PROS1: variants seen among roughly 807,000 people sequenced by gnomAD.
PROS1 encodes the protein vitamin K-dependent protein S.
Under a neutral mutation model 75.9 loss-of-function variants are expected in PROS1, and 29 were observed. The observed-to-expected ratio is 0.38, with a 90% CI of 0.28 to 0.52. The LOEUF (loss-of-function observed/expected upper bound fraction) is 0.52, where lower values mean the gene tolerates loss of function less well. PROS1 is among the 20% of genes least tolerant of loss of function. PROS1 has a pLI of 0.83. For missense variants in PROS1, 680 were observed against 810.3 expected, an observed-to-expected ratio of 0.84 and a Z score of 1.95; for synonymous variants, 245 against 280.6, an observed-to-expected ratio of 0.87 and a Z score of 1.27.
At chr3:93,931,005 G>T (rs1445511246) in intron 1 of PROS1, among the ~76,000 whole-genome samples, 2 of 152,096 alleles carry the variant, frequency 1.3e-5, no homozygotes, top group Admixed American at 1.3e-4. Flanking sequence ...AAAAAATTTT[G>T]TCTAAATATA....
rs1211117206 is a variant in PROS1, at chr3:93,898,563, T to A, written c.734A>T (p.Asp245Val). Residue 245 changes from aspartate (D) to valine (V), a missense_variant, in exon 8 of 15, where the codon GAT becomes GTT. Asp to Val is a radical substitution (Grantham distance 152, BLOSUM62 -3). Coordinates refer to ENST00000394236, the MANE Select transcript of PROS1 (RefSeq NM_000313.4). ...NLKSKSCEDI[D>V]ECSENMCAQL... The stretch of plus-strand genomic sequence containing the variant: ...AGCACACATGTTCTCAGAGCATTCA[T>A]CTATATCTGAGGTAAAAAAAACACA... 1 of 1,612,156 alleles carries A rather than the reference T, an allele frequency of 6.2e-7. No individual in the cohort carries two copies.
Position 93,940,463 on chromosome 3 carries a change from C to T in PROS1, c.77-13056G>A, listed in dbSNP as rs140447807. On this transcript the variant is annotated intron_variant, in intron 1 of 14. Coordinates refer to ENST00000394236, the MANE Select transcript of PROS1 (RefSeq NM_000313.4). Reference sequence around the variant, plus strand: ...CCTCCATAACTGTTGTGGGTACTGACGTCTGGGCTTCTAAATCTCTTAAAA... The same window carrying T: ...CCTCCATAACTGTTGTGGGTACTGATGTCTGGGCTTCTAAATCTCTTAAAA... Among the ~76,000 whole-genome samples the T allele has an allele frequency of 1.1e-3, 167 of 152,234 alleles. 1 individual carries two copies. The highest frequency in any genetic ancestry group is 3.7e-3 in the African/African-American group (155 of 41,538).
intron 6 of PROS1, among the ~76,000 whole-genome samples, chr3:93,903,445 C>T (rs1708627491): frequency 6.6e-6 from 1 of 152,122 alleles, no homozygotes; most frequent in African/African-American, 2.4e-5. Context: ...GGATGGATCA[C>T]TTCAACCCAA....
chr3:93,927,933 A>G (rs1173139628), intron 1 of PROS1, among the ~76,000 whole-genome samples: 1 of 138,864 alleles, frequency 7.2e-6, no homozygotes, highest in Non-Finnish European at 1.5e-5. Context: ...ATGTGTATAT[A>G]TATATGTATA....
At chr3:93,966,701 AC>A (rs1225190839) in intron 1 of PROS1, among the ~76,000 whole-genome samples, 1 of 151,824 alleles carries the variant, frequency 6.6e-6, no homozygotes, top group Non-Finnish European at 1.5e-5. Context: ...ACATGGTGGA[AC>A]CCCATCTCTA....
intron 1 of PROS1, among the ~76,000 whole-genome samples, chr3:93,953,940 G>C (rs1258076280): frequency 6.6e-6 from 1 of 151,660 alleles, no homozygotes; most frequent in Non-Finnish European, 1.5e-5. Flanking sequence ...ATAACAGACA[G>C]AGAGCCAAAT....
chr3:93,948,173 C>T (rs1045587326), intron 1 of PROS1, among the ~76,000 whole-genome samples: 1 of 151,440 alleles, frequency 6.6e-6, no homozygotes, highest in Non-Finnish European at 1.5e-5. Context: ...AAGAAATAAA[C>T]AAGAATGACC....
At chr3:93,948,463 T>C (rs1709440608) in intron 1 of PROS1, among the ~76,000 whole-genome samples, 1 of 152,178 alleles carries the variant, frequency 6.6e-6, no homozygotes, top group Non-Finnish European at 1.5e-5. Context: ...TGGATATCCT[T>C]GTTAACTTTC....
At chr3:93,943,743 C>T (rs1417505229) in intron 1 of PROS1, among the ~76,000 whole-genome samples, 2 of 152,178 alleles carry the variant, frequency 1.3e-5, no homozygotes, top group East Asian at 3.9e-4. Context: ...CATATAGAAT[C>T]AGATGGCCTG....
intron 1 of PROS1, among the ~76,000 whole-genome samples, chr3:93,936,087 T>C (rs1407458241): frequency 1.4e-5 from 2 of 146,242 alleles, no homozygotes; most frequent in Admixed American, 6.8e-5. Flanking sequence ...TGTCCCCATC[T>C]CCCCCCCACA....
intron 1 of PROS1, chr3:93,973,430 T>C: frequency 2.0e-6 from 1 of 498,944 alleles, no homozygotes; most frequent in South Asian, 2.8e-5. Flanking sequence ...ATACTTAGTG[T>C]CATCTAGGTT....
At chr3:93,891,058 T>C (rs1708424448) in intron 10 of PROS1, among the ~76,000 whole-genome samples, 1 of 152,048 alleles carries the variant, frequency 6.6e-6, no homozygotes, top group Admixed American at 6.5e-5. Context: ...TGAGCAGAGA[T>C]CACTGCACTC....
intron 14 of PROS1, among the ~76,000 whole-genome samples, chr3:93,875,383 A>G (rs1367281207): frequency 1.3e-5 from 2 of 151,832 alleles, no homozygotes; most frequent in African/African-American, 4.8e-5. Context: ...GCTCCTCTCA[A>G]ATCTTCCCCA....
intron 1 of PROS1, among the ~76,000 whole-genome samples, chr3:93,942,426 C>G (rs1709303758): frequency 6.6e-6 from 1 of 152,160 alleles, no homozygotes; most frequent in South Asian, 2.1e-4. Flanking sequence ...GCTTTACTTC[C>G]AAAGGAAGCT....
chr3:93,874,922 A>T (rs2107120753), intron 14 of PROS1, among the ~76,000 whole-genome samples: 1 of 152,214 alleles, frequency 6.6e-6, no homozygotes, highest in South Asian at 2.1e-4. Context: ...ATGATACAGG[A>T]TTCACTTTCA....
intron 1 of PROS1, among the ~76,000 whole-genome samples, chr3:93,959,345 AAAT>A (rs1559952211): frequency 2.6e-5 from 4 of 152,156 alleles, no homozygotes; most frequent in Admixed American, 2.6e-4. Flanking sequence ...AGGAATTTAA[AAAT>A]AATAAAAGAA....
intron 7 of PROS1, among the ~76,000 whole-genome samples, chr3:93,900,386 C>T (rs1274660016): frequency 6.6e-6 from 1 of 152,096 alleles, no homozygotes; most frequent in Non-Finnish European, 1.5e-5. Context: ...CACTGAAAAG[C>T]TTGGAATAAA....
At chr3:93,923,368 T>C (rs1434755136) in intron 3 of PROS1, among the ~76,000 whole-genome samples, 1 of 152,168 alleles carries the variant, frequency 6.6e-6, no homozygotes, top group Admixed American at 6.5e-5. Flanking sequence ...GCAGCCTCAT[T>C]ACATGGCCCT....
chr3:93,954,774 T>G (rs1188699291), intron 1 of PROS1, among the ~76,000 whole-genome samples: 1 of 152,064 alleles, frequency 6.6e-6, no homozygotes. Flanking sequence ...GAAACTACCA[T>G]CAGAGTGAAC....
Sources: gnomAD v4.1 joint callset for allele counts (sites outside exome capture counted in the v4.1 genomes callset) on GRCh38, gnomAD v4.1.1 for gene constraint, MANE v1.5 for transcripts, NCBI Gene and HGNC (gene_info 2026-07-23, HGNC 2026-07-21) for gene names.